The following MEIS1 variants were observed in gnomAD, a reference collection of about 807,000 sequenced individuals.
The protein encoded by MEIS1 is homeobox protein Meis1.
A neutral mutation model predicts 50.8 loss-of-function variants in MEIS1; 5 were observed. The ratio of observed to expected loss-of-function variants is 0.10; its 90% CI spans 0.05 to 0.21. MEIS1 has a LOEUF of 0.21. Among genes scored for constraint, MEIS1 ranks in the 10% least tolerant of loss-of-function variants. The probability of loss-of-function intolerance (pLI) is 1.00; values close to 1 mark genes in which losing one functional copy is unlikely to be tolerated. For missense variants in MEIS1, 318 were observed against 517.3 expected (o/e 0.61, Z 3.74); for synonymous variants, 176 against 179.3 (o/e 0.98, Z 0.15).
chr2:66,498,900 A>T (rs1673478816), intron 7 of MEIS1, among the ~76,000 whole-genome samples: 1 of 152,198 alleles, frequency 6.6e-6, no homozygotes, highest in African/African-American at 2.4e-5. Context: ...CTGCATTTTA[A>T]CAAGATCCCA....
intron 7 of MEIS1, among the ~76,000 whole-genome samples, chr2:66,491,742 A>G (rs1331033796): frequency 2.0e-5 from 3 of 152,202 alleles, no homozygotes; most frequent in Admixed American, 6.5e-5. Context: ...AACTGACTTG[A>G]CAGCCATTTA....
At chr2:66,533,945 C>T (rs1674456332) in intron 8 of MEIS1, among the ~76,000 whole-genome samples, 1 of 152,194 alleles carries the variant, frequency 6.6e-6, no homozygotes. Flanking sequence ...ATCTTCTTCC[C>T]TGCAAATTGA....
At chr2:66,461,418 T>G (rs1672515327) in intron 6 of MEIS1, among the ~76,000 whole-genome samples, 1 of 152,222 alleles carries the variant, frequency 6.6e-6, no homozygotes, top group South Asian at 2.1e-4. Flanking sequence ...TAATTCTTGT[T>G]CTGTTTTTGT....
intron 7 of MEIS1, among the ~76,000 whole-genome samples, chr2:66,469,803 A>G (rs940892006): frequency 6.6e-6 from 1 of 152,140 alleles, no homozygotes; most frequent in Non-Finnish European, 1.5e-5. Context: ...GGTTGAGGCC[A>G]CAGAAGATAT....
intron 7 of MEIS1, among the ~76,000 whole-genome samples, chr2:66,493,108 T>A (rs1673313178): frequency 6.6e-6 from 1 of 152,208 alleles, no homozygotes; most frequent in Non-Finnish European, 1.5e-5. Context: ...CCCATGATAT[T>A]CAAACTTTAA....
At chr2:66,473,397 A>AAAAAAAATATATATATATATATATATAT in intron 7 of MEIS1, among the ~76,000 whole-genome samples, 2 of 107,594 alleles carry the variant, frequency 1.9e-5, no homozygotes, top group African/African-American at 1.2e-4. Context: ...AAAAAAAAAA[A>AAAAAAAATATATATATATATATATATAT]ATATATATAT....
At chr2:66,532,531 G>A (rs1244361591) in intron 8 of MEIS1, among the ~76,000 whole-genome samples, 1 of 151,762 alleles carries the variant, frequency 6.6e-6, no homozygotes, top group Non-Finnish European at 1.5e-5. Context: ...TGCATAAAAT[G>A]TTATAAAATA....
chr2:66,542,080 G>A (rs1030381722), intron 8 of MEIS1, among the ~76,000 whole-genome samples: 2 of 152,270 alleles, frequency 1.3e-5, no homozygotes, highest in Non-Finnish European at 2.9e-5. Flanking sequence ...TTTATTTAAA[G>A]TGGGAGAAGT....
chr2:66,459,196 C>A (rs112955009), intron 6 of MEIS1, among the ~76,000 whole-genome samples: 2,787 of 152,128 alleles, frequency 0.018, 54 homozygotes, highest in South Asian at 0.052. Flanking sequence ...AGGAGATAAT[C>A]AGGGGCTGGG....
intron 7 of MEIS1, among the ~76,000 whole-genome samples, chr2:66,473,743 G>A (rs1052801977): frequency 2.6e-5 from 4 of 152,052 alleles, no homozygotes; most frequent in Non-Finnish European, 5.9e-5. Context: ...TTGAGGAGGT[G>A]TCTATATAGC....
intron 8 of MEIS1, 91 bp from the exon 9 acceptor site, chr2:66,547,852 C>T: frequency 8.0e-7 from 1 of 1,257,342 alleles, no homozygotes; most frequent in Non-Finnish European, 1.1e-6. Context: ...GCATTTTTAC[C>T]TTTAATTATA....
chr2:66,547,299 A>G (rs1461701517), intron 8 of MEIS1, among the ~76,000 whole-genome samples: 3 of 152,180 alleles, frequency 2.0e-5, no homozygotes, highest in Non-Finnish European at 4.4e-5. Context: ...TGTTCTTAGC[A>G]TGCAAAATAT....
intron 6 of MEIS1, among the ~76,000 whole-genome samples, chr2:66,452,873 C>T (rs1672306982): frequency 6.6e-6 from 1 of 151,704 alleles, no homozygotes; most frequent in Admixed American, 6.6e-5. Context: ...TTATTATGTC[C>T]CGTACTTCTT....
At chr2:66,493,709 C>T (rs1673328999) in intron 7 of MEIS1, among the ~76,000 whole-genome samples, 1 of 152,096 alleles carries the variant, frequency 6.6e-6, no homozygotes, top group South Asian at 2.1e-4. Context: ...TGTCTGACTC[C>T]ACCTTTTCCT....
intron 8 of MEIS1, among the ~76,000 whole-genome samples, chr2:66,523,924 C>T (rs1674187570): frequency 6.6e-6 from 1 of 152,148 alleles, no homozygotes; most frequent in African/African-American, 2.4e-5. Context: ...TCTAAAAATT[C>T]ATTACCAATT....
chr2:66,459,370 T>C (rs1451047734), intron 6 of MEIS1, among the ~76,000 whole-genome samples: 1 of 152,096 alleles, frequency 6.6e-6, no homozygotes, highest in Non-Finnish European at 1.5e-5. Context: ...ATGAAGGGCT[T>C]TGTATACCAG....
intron 8 of MEIS1, among the ~76,000 whole-genome samples, chr2:66,528,251 G>C (rs1267791158): frequency 2.0e-5 from 3 of 152,126 alleles, no homozygotes; most frequent in Non-Finnish European, 4.4e-5. Flanking sequence ...ATTTCTGAAG[G>C]CTGTCTGGAG....
intron 7 of MEIS1, among the ~76,000 whole-genome samples, chr2:66,491,669 C>A (rs1237811993): frequency 6.6e-6 from 1 of 152,162 alleles, no homozygotes; most frequent in Non-Finnish European, 1.5e-5. Flanking sequence ...ATCAATCTAT[C>A]AAGTGAGGCC....
chr2:66,475,433 C>T (rs1672872061), intron 7 of MEIS1, among the ~76,000 whole-genome samples: 1 of 150,274 alleles, frequency 6.7e-6, no homozygotes, highest in Non-Finnish European at 1.5e-5. Context: ...TTATAGTATA[C>T]AATAGGATAA....
Sources: allele counts gnomAD v4.1 joint callset (sites outside exome capture counted in the v4.1 genomes callset), GRCh38; gene constraint gnomAD v4.1.1; transcripts MANE v1.5; gene names NCBI Gene and HGNC (gene_info 2026-07-23, HGNC 2026-07-21).